The following TG variants were observed in gnomAD, a reference collection of about 807,000 sequenced individuals.
TG encodes thyroid hormones.
In TG, 270 loss-of-function variants were observed where a neutral mutation model predicts 324.7. The observed-to-expected ratio is 0.83, with a 90% CI of 0.75 to 0.92. The LOEUF (loss-of-function observed/expected upper bound fraction) is 0.92. Ranked by LOEUF, TG falls within the 40% of genes least tolerant of loss-of-function variation. The pLI is 0.00. For missense variants in TG, 3,591 were observed against 3,456.4 expected (o/e 1.04, Z -0.98); for synonymous variants, 1,401 against 1,327.0 (o/e 1.06, Z -1.21).
chr8:133,073,042 C>T (rs1479858827), intron 41 of TG: 1 of 152,148 alleles, frequency 6.6e-6, no homozygotes, highest in East Asian at 1.9e-4. Context: ...TATTTAGTAC[C>T]TATTATCTCC....
At chr8:133,087,244 T>C (rs11989874) in intron 41 of TG, among the ~76,000 whole-genome samples, 5,518 of 152,294 alleles carry the variant, frequency 0.036, 339 homozygotes, top group African/African-American at 0.13. Context: ...GGACTGCTAT[T>C]TTTGCTTTAA....
chr8:133,045,390 T>C (rs973582765), intron 41 of TG, among the ~76,000 whole-genome samples: 1 of 98,952 alleles, frequency 1.0e-5, no homozygotes, highest in African/African-American at 3.4e-5. Flanking sequence ...CTCTTTGCTT[T>C]TTTTTTTTTT....
At position 133,100,225 on chromosome 8, in the gene TG, C is replaced by T. The variant is rs143188372; in HGVS notation, c.7572+3852C>T. 3.9e-5 allele frequency among the ~76,000 whole-genome samples: 6 copies of T among 152,300 alleles called. No individual in the cohort carries two copies. In the East Asian group the frequency reaches 1.2e-3, roughly 29 times the overall value. Reference sequence around the variant, plus strand: ...ATGTTCTTCCCAGACAACTCACTGCCTTACTCCCTTCAGGGTCTGCTTATC... The same window carrying T: ...ATGTTCTTCCCAGACAACTCACTGCTTTACTCCCTTCAGGGTCTGCTTATC... On this transcript the variant is annotated intron_variant, in intron 43 of 47. Transcript: ENST00000220616.
At chr8:132,963,994 C>T (rs1195589678) in intron 29 of TG, among the ~76,000 whole-genome samples, 1 of 152,030 alleles carries the variant, frequency 6.6e-6, no homozygotes, top group Non-Finnish European at 1.5e-5. Context: ...ATAGCAACCA[C>T]TTGGCACAGT....
At chr8:133,055,857 G>C (rs986501918) in intron 41 of TG, among the ~76,000 whole-genome samples, 3 of 94,818 alleles carry the variant, frequency 3.2e-5, no homozygotes, top group Admixed American at 2.9e-4. Flanking sequence ...AGCAGCAGCA[G>C]CAGCAGCAGC....
intron 40 of TG, among the ~76,000 whole-genome samples, chr8:133,023,747 A>G (rs1235514495): frequency 6.6e-6 from 1 of 152,198 alleles, no homozygotes; most frequent in Non-Finnish European, 1.5e-5. Context: ...GAGCATTTCT[A>G]GACAGAAGAG....
At position 133,029,919 on chromosome 8, in the gene TG, C is replaced by T. The variant is rs61742878; in HGVS notation, c.7135C>T (p.Arg2379Cys). The change falls in exon 41 of 48, where the codon CGC (arginine) becomes TGC (cysteine). Residue 2379 changes from arginine to cysteine, a missense_variant. Arg to Cys is a radical substitution (Grantham distance 180). Transcript: ENST00000220616. Reference sequence around the variant, plus strand: ...CCGAGGATTTGGCGGGGACCCTCGGCGCGTGTCCCTGGCAGCAGACCGTGG... The same window carrying T: ...CCGAGGATTTGGCGGGGACCCTCGGTGCGTGTCCCTGGCAGCAGACCGTGG... Reference protein sequence around the residue: ...HIRGFGGDPRRVSLAADRGGA... With the variant: ...HIRGFGGDPRCVSLAADRGGA... 1,100 of 1,614,206 alleles carry T rather than the reference C, an allele frequency of 6.8e-4. 6 individuals are homozygous for T. In the African/African-American group the frequency reaches 0.012, roughly 18 times the overall value.
Position 132,948,776 on chromosome 8 carries a change from G to C in TG, c.5234G>C (p.Gly1745Ala). ...DGFVLTQVQG[G>A]AIICGLLSSP... ...CTCTCCTACCTCTTGTGATTCTCAG[G>C]TGCCATCATCTGTGGGTTGCTGAGC... is the stretch of plus-strand genomic sequence containing the variant. Residue 1745 changes from glycine (G) to alanine (A), a missense_variant and splice_region_variant, in exon 27 of 48, where the codon GGT becomes GCT. Gly to Ala is a moderately conservative substitution (Grantham distance 60, BLOSUM62 0). Transcript: ENST00000220616. 1 of 1,613,496 alleles carries C rather than the reference G, an allele frequency of 6.2e-7. No individual in the cohort carries two copies. The highest frequency in any genetic ancestry group is 8.5e-7 in the Non-Finnish European group (1 of 1,180,032).
At position 132,923,437 on chromosome 8, in the gene TG, G is replaced by C. The variant is rs1280870983; in HGVS notation, c.4628G>C (p.Cys1543Ser). The change falls in exon 22 of 48, where the codon TGT becomes TCT. Residue 1543 changes from cysteine to serine, a missense_variant. By Grantham distance (112) the Cys-to-Ser change is moderately radical (BLOSUM62 -1). Transcript: ENST00000220616. ...QKDRGSGKAF[C>S]VDGEGRRLPW... Reference sequence around the variant, plus strand: ...GACAGGGGCAGTGGGAAGGCCTTCTGTGTGGACGGCGAGGGGCGGAGGCTG... The same window carrying C: ...GACAGGGGCAGTGGGAAGGCCTTCTCTGTGGACGGCGAGGGGCGGAGGCTG... 1 of 1,614,168 alleles carries C rather than the reference G, an allele frequency of 6.2e-7. No homozygotes were observed. The highest frequency in any genetic ancestry group is 2.2e-5 in the East Asian group (1 of 44,868).
intron 26 of TG, among the ~76,000 whole-genome samples, chr8:132,944,675 C>G (rs1024493914): frequency 6.6e-6 from 1 of 152,196 alleles, no homozygotes; most frequent in Non-Finnish European, 1.5e-5. Context: ...CCTCCCACCC[C>G]CACTGTTTCC....
At chr8:133,094,263 T>A (rs7013643) in intron 41 of TG, among the ~76,000 whole-genome samples, 1 of 144,082 alleles carries the variant, frequency 6.9e-6, no homozygotes, top group Non-Finnish European at 1.5e-5. Context: ...TTTTTTTTGA[T>A]GGAGTCTTGC....
chr8:132,918,648 A>G (rs747227405), intron 20 of TG, among the ~76,000 whole-genome samples: 2 of 152,114 alleles, frequency 1.3e-5, no homozygotes, highest in Non-Finnish European at 2.9e-5. Flanking sequence ...AGGAACAAAG[A>G]CTTTGGTTTG....
At chr8:133,028,696 G>A (rs1382884527) in intron 40 of TG, among the ~76,000 whole-genome samples, 1 of 152,230 alleles carries the variant, frequency 6.6e-6, no homozygotes, top group Non-Finnish European at 1.5e-5. Context: ...CCTCAAGGCT[G>A]TAAGTGGTGG....
intron 35 of TG, among the ~76,000 whole-genome samples, chr8:132,985,785 C>T (rs1370180886): frequency 1.3e-5 from 2 of 152,170 alleles, no homozygotes; most frequent in East Asian, 3.9e-4. Context: ...GCTTGTTCCT[C>T]TCTGCCAAGT....
chr8:132,888,047 C>T lies in TG; in HGVS notation c.2240C>T (p.Ser747Phe). 6.2e-7 allele frequency: 1 copy of T among 1,614,216 alleles called. No homozygotes were observed. Among genetic ancestry groups the T allele is most frequent in the Non-Finnish European group, 8.5e-7 (1 of 1,180,050 alleles). Residue 747 changes from serine to phenylalanine, a missense_variant, in exon 10 of 48, where the codon TCT becomes TTT. Coordinates refer to ENST00000220616, the MANE Select transcript of TG (RefSeq NM_003235.5). Reference sequence around the variant, plus strand: ...CTCAGGACGGTGCAGGCCCTGCTCTCTAACTCCAGCATGCTACCCACCCTT... The same window carrying T: ...CTCAGGACGGTGCAGGCCCTGCTCTTTAACTCCAGCATGCTACCCACCCTT... ...AFLRTVQALL[S>F]NSSMLPTLSD...
chr8:132,883,228 G>A (rs1814913308), intron 8 of TG: 1 of 568,098 alleles, frequency 1.8e-6, no homozygotes, highest in Non-Finnish European at 3.1e-6. Context: ...AATATTAGGA[G>A]GCTCATAGAT....
At chr8:133,008,221 T>C (rs1462261883) in intron 35 of TG, among the ~76,000 whole-genome samples, 1 of 152,160 alleles carries the variant, frequency 6.6e-6, no homozygotes, top group Admixed American at 6.5e-5. Context: ...GTAAATTTTA[T>C]CCAAAAGAAT....
At chr8:132,875,364 C>T (rs1222919435) in intron 5 of TG, among the ~76,000 whole-genome samples, 2 of 152,148 alleles carry the variant, frequency 1.3e-5, no homozygotes, top group Non-Finnish European at 2.9e-5. Context: ...AATTTTATAT[C>T]CTTTAACTTA....
rs149748213 is a variant in TG, at chr8:133,114,481, G to A, written c.7754+878G>A. 3.7e-4 allele frequency among the ~76,000 whole-genome samples: 57 copies of A among 152,322 alleles called. 2 individuals carry two copies. The East Asian group carries it at 4.6e-3, about 12-fold the overall frequency. On this transcript the variant is annotated intron_variant, in intron 44 of 47. Coordinates refer to ENST00000220616, the MANE Select transcript of TG (RefSeq NM_003235.5). ...CTGAGAACTTTTACAGAAATGCACA[G>A]CAGATGCACAAGAAATGATTTTTGA...
Sources: allele counts gnomAD v4.1 joint callset (sites outside exome capture counted in the v4.1 genomes callset), GRCh38; gene constraint gnomAD v4.1.1; transcripts MANE v1.5; gene names NCBI Gene and HGNC (gene_info 2026-07-23, HGNC 2026-07-21).